The following LARP4B variants were observed in gnomAD, a reference collection of about 807,000 sequenced individuals.
LARP4B encodes the protein La ribonucleoprotein 4B.
A neutral mutation model predicts 89.8 loss-of-function variants in LARP4B; 12 were observed. The observed-to-expected ratio is 0.13, with a 90% CI of 0.09 to 0.22. LARP4B has a LOEUF of 0.22. LARP4B is among the 10% of genes least tolerant of loss of function. LARP4B has a pLI of 1.00. For missense variants in LARP4B, 757 were observed against 947.7 expected (o/e 0.80, Z 2.64); for synonymous variants, 367 against 363.3 (o/e 1.01, Z -0.12).
chr10:912,611 C>G (rs1228108682), intron 1 of LARP4B, among the ~76,000 whole-genome samples: 3 of 151,028 alleles, frequency 2.0e-5, no homozygotes, highest in Non-Finnish European at 4.4e-5. Flanking sequence ...TTGGCTCACA[C>G]CTGTAATCTC....
chr10:951,818 C>T, the LARP4B span, among the ~76,000 whole-genome samples: 1 of 133,962 alleles, frequency 7.5e-6, no homozygotes, highest in Non-Finnish European at 1.7e-5. Context: ...GAACCAACTG[C>T]ATAACATACA....
chr10:895,778 T>G (rs1260591596), intron 1 of LARP4B, among the ~76,000 whole-genome samples: 1 of 151,832 alleles, frequency 6.6e-6, no homozygotes, highest in Non-Finnish European at 1.5e-5. Flanking sequence ...GACAAAACTG[T>G]AGATACTAAA....
In LARP4B at chr10:871,859, G is replaced by C. The variant is rs2038933; in HGVS notation, c.142-7589C>G. ...ATCGTTGTCTCTTAGTGGTGTGATA[G>C]AGTTATTTTCTCTCTCCTTTTTAGA... On this transcript the variant is annotated intron_variant, in intron 3 of 17. Coordinates refer to ENST00000316157, the MANE Select transcript of LARP4B (RefSeq NM_015155.3). Among the ~76,000 whole-genome samples, 591 of 152,274 alleles carry C rather than the reference G, an allele frequency of 3.9e-3. 4 individuals carry two copies. The highest frequency in any genetic ancestry group is 7.5e-3 in the South Asian group (36 of 4,822).
the LARP4B span, among the ~76,000 whole-genome samples, chr10:937,483 T>G: frequency 6.6e-6 from 1 of 152,210 alleles, no homozygotes; most frequent in Non-Finnish European, 1.5e-5. Context: ...TGCTTGTTGC[T>G]TATTAATTTC....
the LARP4B span, among the ~76,000 whole-genome samples, chr10:948,467 C>T: frequency 6.6e-6 from 1 of 152,168 alleles, no homozygotes; most frequent in African/African-American, 2.4e-5. Context: ...AGGCAGGTCT[C>T]GAACTCCTGA....
rs1323651494 is a variant in LARP4B at position 831,311 on chromosome 10, GA to G, written c.751-335del. On this transcript the variant is annotated intron_variant, in intron 8 of 17. Coordinates refer to ENST00000316157, the MANE Select transcript of LARP4B (RefSeq NM_015155.3). ...TTTTTTTTTTTTAAAGGCAATTTAA[GA>G]AAAAAAATTTGCTTGGACTTTTGCT... Among the ~76,000 whole-genome samples the G allele has an allele frequency of 2.1e-4, 27 of 128,570 alleles. No homozygotes were observed. The South Asian group carries it at 6.0e-3, about 29-fold the overall frequency. 84.3% of individuals were successfully genotyped at this position (128,570 alleles called of 152,430 possible). A position where few individuals can be genotyped will look rare whatever the true frequency, so the allele number is the denominator to read the frequency against.
At chr10:867,949 T>C (rs905220406) in intron 3 of LARP4B, among the ~76,000 whole-genome samples, 8 of 148,596 alleles carry the variant, frequency 5.4e-5, no homozygotes, top group South Asian at 2.1e-4. Flanking sequence ...GGCTAAGCAA[T>C]GGTTATTAAA....
At chr10:893,966 CA>C (rs2131963688) in intron 1 of LARP4B, among the ~76,000 whole-genome samples, 1 of 152,306 alleles carries the variant, frequency 6.6e-6, no homozygotes, top group Admixed American at 6.5e-5. Flanking sequence ...CGATGAACTG[CA>C]TTTCTGAATA....
Position 814,798 on chromosome 10 carries a change from G to T in LARP4B, c.1873C>A (p.Pro625Thr). Residue 625 changes from proline to threonine, a missense_variant, in exon 17 of 18, where the codon CCT becomes ACT. By Grantham distance (38) the Pro-to-Thr change is conservative. Transcript: ENST00000316157. The surrounding 1 kb of genome is among the most constrained non-coding windows in gnomAD (Gnocchi z 4.4). ...QRETHSVDRL[P>T]SALTATACKS... is the part of the protein sequence containing the mutation. ...CACGCGGTCGCAGTGAGGGCGGAAG[G>T]AAGTCTGTCCACACTGTGGGTTTCC... The T allele has an allele frequency of 1.2e-6, 2 of 1,605,922 alleles. No homozygotes were observed. The highest frequency in any genetic ancestry group is 1.7e-4 in the Middle Eastern group (1 of 6,052).
intron 5 of LARP4B, among the ~76,000 whole-genome samples, chr10:859,833 T>C (rs372381057): frequency 4.6e-5 from 6 of 130,254 alleles, no homozygotes; most frequent in South Asian, 4.7e-4. Context: ...GGTAAAACTA[T>C]GGAGACAGTG....
At chr10:955,636 C>T in the LARP4B span, among the ~76,000 whole-genome samples, 9 of 152,244 alleles carry the variant, frequency 5.9e-5, no homozygotes, top group East Asian at 7.7e-4. The surrounding 1 kb of genome is among the most constrained non-coding windows in gnomAD (Gnocchi z 5.2). Flanking sequence ...GGGGAGTTTA[C>T]GTTTGCTAAC....
intron 1 of LARP4B, among the ~76,000 whole-genome samples, chr10:893,087 T>C (rs1836084062): frequency 2.0e-5 from 3 of 151,032 alleles, no homozygotes; most frequent in South Asian, 4.2e-4. Context: ...TTTCTTTTTT[T>C]TTTCCCAGTA....
upstream of LARP4B, among the ~76,000 whole-genome samples, chr10:934,490 A>T (rs1830723516): frequency 6.6e-6 from 1 of 152,016 alleles, no homozygotes; most frequent in African/African-American, 2.4e-5. Flanking sequence ...ACCCTGTCTC[A>T]AAAAAAGAAA....
intron 11 of LARP4B, among the ~76,000 whole-genome samples, chr10:828,917 A>G (rs1046179582): frequency 1.3e-5 from 2 of 152,210 alleles, no homozygotes; most frequent in Non-Finnish European, 2.9e-5. Flanking sequence ...AATTCCAACC[A>G]TAGGCCTTAA....
the LARP4B span, among the ~76,000 whole-genome samples, chr10:975,199 C>T: frequency 6.6e-6 from 1 of 152,242 alleles, no homozygotes; most frequent in East Asian, 1.9e-4. Flanking sequence ...AAAAGTAGCA[C>T]ATCTATTAAT....
Position 846,185 on chromosome 10 carries a change from T to A in LARP4B, c.431-1130A>T, listed in dbSNP as rs933074225. Among the ~76,000 whole-genome samples the A allele has an allele frequency of 4.6e-5, 7 of 152,212 alleles. No individual in the cohort carries two copies. In the South Asian group the frequency reaches 6.2e-4, roughly 13 times the overall value. On this transcript the variant is annotated intron_variant, in intron 5 of 17. Coordinates refer to ENST00000316157, the MANE Select transcript of LARP4B (RefSeq NM_015155.3). The stretch of plus-strand genomic sequence containing the variant: ...TTCACACTCCACTCCCCATGTTTAA[T>A]AGGTATTTACTAAATATTTCCAAGT...
chr10:884,267 A>G (rs530934864), intron 3 of LARP4B, among the ~76,000 whole-genome samples, 180 bp downstream of exon 3: 2 of 152,372 alleles, frequency 1.3e-5, no homozygotes, highest in South Asian at 4.1e-4. Context: ...TAGAAAGGAC[A>G]TACAGTATTG....
At chr10:935,133 C>T (rs1217593663), upstream of LARP4B, among the ~76,000 whole-genome samples, 5 of 152,106 alleles carry the variant, frequency 3.3e-5, no homozygotes, top group South Asian at 2.1e-4. Context: ...ACTCACTTTC[C>T]GAGCATTTTT....
intron 1 of LARP4B, among the ~76,000 whole-genome samples, chr10:920,123 T>C (rs1760477387): frequency 6.6e-6 from 1 of 152,260 alleles, no homozygotes; most frequent in African/African-American, 2.4e-5. Context: ...ACCAATTTCT[T>C]TTGATATACC....
Sources: gnomAD v4.1 joint callset for allele counts (sites outside exome capture counted in the v4.1 genomes callset) on GRCh38, gnomAD v4.1.1 for gene constraint, Gnocchi (gnomAD v3.1) non-coding constraint, MANE v1.5 for transcripts, NCBI Gene and HGNC (gene_info 2026-07-23, HGNC 2026-07-21) for gene names.